Variants in IL4R observed in about 807,000 individuals in gnomAD.
IL4R encodes interleukin-4 receptor subunit alpha.
Under a neutral mutation model 41.5 loss-of-function variants are expected in IL4R, and 17 were observed. The observed-to-expected ratio is 0.41, with a 90% confidence interval of 0.28 to 0.61. The LOEUF is 0.61. Ranked by LOEUF, IL4R falls within the 20% of genes least tolerant of loss-of-function variation. The pLI, the probability that IL4R is intolerant of heterozygous loss-of-function variation, is 0.31. For synonymous variants in IL4R, 402 were observed against 422.9 expected, an observed-to-expected ratio of 0.95 and a Z score of 0.61; for missense variants, 974 against 1,043.1, an observed-to-expected ratio of 0.93 and a Z score of 0.91.
chr16:27,339,624 A>C (rs924237416), intron 2 of IL4R, among the ~76,000 whole-genome samples: 1 of 152,098 alleles, frequency 6.6e-6, no homozygotes, highest in Non-Finnish European at 1.5e-5. Flanking sequence ...TTGTCCAAGG[A>C]AGGCCACATC....
At chr16:27,361,107 A>G (rs2086267827) in intron 10 of IL4R, 7 of 1,197,512 alleles carry the variant, frequency 5.8e-6, no homozygotes, top group South Asian at 1.7e-5. Context: ...CTAATTGTAT[A>G]CTTGTCGGCA....
chr16:27,337,575 CTT>C (rs533237354), intron 2 of IL4R, among the ~76,000 whole-genome samples: 4 of 142,298 alleles, frequency 2.8e-5, no homozygotes, highest in Admixed American at 7.1e-5. Flanking sequence ...TTTTCTTTTT[CTT>C]TTTTTTTTTT....
intron 6 of IL4R, 83 bp from the exon 7 acceptor site, chr16:27,352,457 G>A: frequency 8.6e-7 from 1 of 1,166,804 alleles, no homozygotes; most frequent in African/African-American, 1.5e-5. Context: ...ACATGGTGGG[G>A]TCAGCTAACG....
chr16:27,325,821 T>C (rs1299831553), intron 1 of IL4R, among the ~76,000 whole-genome samples: 1 of 152,042 alleles, frequency 6.6e-6, no homozygotes, highest in Non-Finnish European at 1.5e-5. Flanking sequence ...AGGGAGGGTC[T>C]TCCCTGAGCG....
rs3024534 is a variant in IL4R, at chr16:27,340,723, A to C, written c.70+450A>C. Among the ~76,000 whole-genome samples the C allele has an allele frequency of 1.5e-3, 222 of 152,278 alleles. 1 individual carries two copies. Among genetic ancestry groups the C allele is most frequent in the Middle Eastern group, 6.8e-3 (2 of 294 alleles). ...CGTGAGAAAGTGAGACCCTGTCAAA[A>C]AAAAAGAGAAGGTGATGGGGAAAGA... is the stretch of plus-strand genomic sequence containing the variant. On this transcript the variant is annotated intron_variant, in intron 3 of 10. Transcript: ENST00000395762.
Position 27,331,656 on chromosome 16 carries a change from T to C in IL4R, c.-19+1458T>C, listed in dbSNP as rs77455169. 2.0e-3 allele frequency among the ~76,000 whole-genome samples: 312 copies of C among 152,200 alleles called. 7 individuals carry two copies. Among genetic ancestry groups the C allele is most frequent in the Non-Finnish European group, 3.1e-3 (210 of 67,988 alleles). ...GTATTCCTTCCAAAGGGATGCCAAGTTGTGGTTGCACACTGCACTTAGATC... is the reference window on the plus strand; with the variant it reads ...GTATTCCTTCCAAAGGGATGCCAAGCTGTGGTTGCACACTGCACTTAGATC... On this transcript the variant is annotated intron_variant, in intron 2 of 10. Transcript: ENST00000395762.
rs1421475198 is a variant in IL4R, at chr16:27,341,403, C to T, written c.71-718C>T. On this transcript the variant is annotated intron_variant, in intron 3 of 10. Transcript: ENST00000395762. ...TTTGCTATCTAAGACAGCTCCTTAA[C>T]ATGGTAAGCCCTTATGCAAGTTGTT... 7.1e-6 allele frequency: 4 copies of T among 562,854 alleles called. No individual in the cohort carries two copies. The Admixed American group carries it at 1.3e-4, about 18-fold the overall frequency. The allele number at this position is 562,854 out of a possible 1,614,324, so 34.9% of individuals were successfully genotyped here. A position where few individuals can be genotyped will look rare whatever the true frequency, so the allele number is the denominator to read the frequency against.
rs1250948842 is a variant in IL4R at position 27,363,436 on chromosome 16, C to G, written c.2084C>G (p.Pro695Arg). ...KVEDMPKPPL[P>R]QEQATDPLVD... Reference sequence around the variant, plus strand: ...GAGGACATGCCAAAGCCCCCACTTCCCCAGGAGCAGGCCACAGACCCCCTT... The same window carrying G: ...GAGGACATGCCAAAGCCCCCACTTCGCCAGGAGCAGGCCACAGACCCCCTT... Residue 695 changes from proline to arginine, a missense_variant, in exon 11 of 11, where the codon CCC becomes CGC. Pro to Arg is a moderately radical substitution (Grantham distance 103). Around this residue, in one of 3 missense-constraint regions of IL4R, gnomAD observed 682 missense variants for 704.3 expected, o/e 0.97. Coordinates refer to ENST00000395762, the MANE Select transcript of IL4R (RefSeq NM_000418.4). The G allele has an allele frequency of 9.3e-6, 15 of 1,614,010 alleles. No homozygotes were observed. Among genetic ancestry groups the G allele is most frequent in the Non-Finnish European group, 1.3e-5 (15 of 1,180,012 alleles).
At position 27,319,830 on chromosome 16, in the gene IL4R, C is replaced by G. The variant is rs1480206189; in HGVS notation, c.-152+5810C>G. Among the ~76,000 whole-genome samples the G allele has an allele frequency of 6.6e-5, 10 of 152,240 alleles. No individual in the cohort carries two copies. The South Asian group carries it at 2.1e-3, about 32-fold the overall frequency. On this transcript the variant is annotated intron_variant, in intron 1 of 10. Coordinates refer to ENST00000395762, the MANE Select transcript of IL4R (RefSeq NM_000418.4). Reference sequence around the variant, plus strand: ...AGATGATTCTCACAGGAGCACAAACCCTTTTGTGAACTGCACATGTGAGGG... The same window carrying G: ...AGATGATTCTCACAGGAGCACAAACGCTTTTGTGAACTGCACATGTGAGGG...
chr16:27,355,733 T>C, intron 7 of IL4R, 75 bp from the exon 8 acceptor site: 1 of 1,021,372 alleles, frequency 9.8e-7, no homozygotes, highest in East Asian at 2.4e-5. Context: ...TGACCCTGGG[T>C]CTCCAGTCCT....
At chr16:27,354,785 C>A (rs2141189243) in intron 7 of IL4R, among the ~76,000 whole-genome samples, 1 of 152,348 alleles carries the variant, frequency 6.6e-6, no homozygotes, top group African/African-American at 2.4e-5. Context: ...TGCCACCGCA[C>A]AGCCCTCTCA....
chr16:27,326,189 AGTCTCATCAT>A (rs1335374946), intron 1 of IL4R, among the ~76,000 whole-genome samples: 2 of 152,134 alleles, frequency 1.3e-5, no homozygotes, highest in African/African-American at 4.8e-5. Flanking sequence ...TCTTTTTTAA[AGTCTCATCAT>A]GTCACTTCTT....
chr16:27,352,814 ATC>A (rs2085924542), intron 7 of IL4R, 118 bp downstream of exon 7: 1 of 1,022,244 alleles, frequency 9.8e-7, no homozygotes, highest in African/African-American at 1.6e-5. Flanking sequence ...TCTAATGGCA[ATC>A]CTGCCATTAG....
chr16:27,335,604 A>G (rs753717574), intron 2 of IL4R, among the ~76,000 whole-genome samples: 64 of 152,268 alleles, frequency 4.2e-4, no homozygotes, highest in South Asian at 6.2e-4. Context: ...AGTGGATACC[A>G]TAATATTCAT....
intron 6 of IL4R, among the ~76,000 whole-genome samples, chr16:27,351,027 G>C (rs2085850327): frequency 6.6e-6 from 1 of 152,230 alleles, no homozygotes; most frequent in South Asian, 2.1e-4. Flanking sequence ...TAGTTTCTGT[G>C]GTTGGGAGTC....
intron 3 of IL4R, among the ~76,000 whole-genome samples, chr16:27,341,863 G>A (rs1245831988): frequency 6.6e-6 from 1 of 152,212 alleles, no homozygotes; most frequent in Admixed American, 6.5e-5. Context: ...TGTCAAGTTT[G>A]TGTGAGATAA....
chr16:27,314,452 A>C (rs149851630), intron 1 of IL4R, among the ~76,000 whole-genome samples: 1 of 152,354 alleles, frequency 6.6e-6, no homozygotes, highest in Admixed American at 6.5e-5. Flanking sequence ...GTAGTAGGTC[A>C]GTGAATCGGG....
intron 6 of IL4R, among the ~76,000 whole-genome samples, chr16:27,351,611 T>C (rs2085879839): frequency 6.6e-6 from 1 of 151,182 alleles, no homozygotes; most frequent in Non-Finnish European, 1.5e-5. Context: ...GCCTCCCAGG[T>C]TCAAATGATT....
intron 1 of IL4R, among the ~76,000 whole-genome samples, chr16:27,321,994 CTT>C (rs1354704899): frequency 6.6e-6 from 1 of 151,156 alleles, no homozygotes; most frequent in African/African-American, 2.4e-5. Flanking sequence ...TTTTTTTCCT[CTT>C]GTGTTTGAAA....
Sources: allele counts gnomAD v4.1 joint callset (sites outside exome capture counted in the v4.1 genomes callset), GRCh38; gene constraint gnomAD v4.1.1; regional missense constraint gnomAD v4.1.1; transcripts MANE v1.5; gene names NCBI Gene and HGNC (gene_info 2026-07-23, HGNC 2026-07-21).